The following EBF3 variants were observed in gnomAD, a reference collection of about 807,000 sequenced individuals.
EBF3 encodes the protein EBF transcription factor 3, also known as transcription factor COE3.
In EBF3, 18 loss-of-function variants were observed where a neutral mutation model predicts 77.1. That is an observed-to-expected ratio of 0.23 (90% CI 0.16 to 0.35). The LOEUF is 0.35. Among genes scored for constraint, EBF3 ranks in the 10% least tolerant of loss-of-function variants. The pLI is 1.00. For synonymous variants in EBF3, 350 were observed against 343.5 expected (o/e 1.02, Z -0.21); for missense variants, 558 against 860.0 (o/e 0.65, Z 4.39).
intron 6 of EBF3, among the ~76,000 whole-genome samples, chr10:129,890,626 C>T (rs1300637629): frequency 1.3e-5 from 2 of 152,192 alleles, no homozygotes; most frequent in Non-Finnish European, 2.9e-5. Flanking sequence ...CTTTCTTTAC[C>T]GCTGGGATGC....
chr10:129,842,021 C>T lies in EBF3; in HGVS notation c.1372+95G>A, dbSNP rs1469238758. On this transcript the variant is annotated intron_variant, in intron 13 of 16. Transcript: ENST00000440978. This position sits in a 1 kb window ranked among gnomAD's most constrained non-coding sequence, Gnocchi z 4.4. ...AGAGAACAGAACGCTACGGACATTC[C>T]CCAGCTGGCCCTGGACACGTGCCTC... 1.3e-6 allele frequency: 2 copies of T among 1,515,156 alleles called. No homozygotes were observed. The highest frequency in any genetic ancestry group is 4.5e-5 in the East Asian group (2 of 44,098). The allele number at this position is 1,515,156 out of a possible 1,614,324, so 93.9% of individuals were successfully genotyped here.
chr10:129,950,950 A>G (rs1421111300), intron 6 of EBF3, among the ~76,000 whole-genome samples: 2 of 152,236 alleles, frequency 1.3e-5, no homozygotes, highest in Non-Finnish European at 2.9e-5. Context: ...GTCTGCAATG[A>G]CAATTTCCAT....
At chr10:129,871,236 GA>G in intron 8 of EBF3, among the ~76,000 whole-genome samples, 1 of 152,310 alleles carries the variant, frequency 6.6e-6, no homozygotes, top group South Asian at 2.1e-4. Flanking sequence ...TTTACGAGGG[GA>G]CAAGTGACAA....
chr10:129,919,513 C>T (rs1286850821), intron 6 of EBF3, among the ~76,000 whole-genome samples: 1 of 152,130 alleles, frequency 6.6e-6, no homozygotes, highest in African/African-American at 2.4e-5. Flanking sequence ...GGGCCAACAA[C>T]TTTCACTGTG....
At chr10:129,933,924 C>T (rs1182345652) in intron 6 of EBF3, among the ~76,000 whole-genome samples, 1 of 152,222 alleles carries the variant, frequency 6.6e-6, no homozygotes, top group Admixed American at 6.5e-5. Context: ...ACTCCCCCTC[C>T]AGCAGCTTCA....
intron 6 of EBF3, among the ~76,000 whole-genome samples, chr10:129,924,189 T>C (rs980699391): frequency 6.6e-6 from 1 of 152,022 alleles, no homozygotes; most frequent in African/African-American, 2.4e-5. Context: ...CCAAGGCAGG[T>C]GGATCACCTG....
intron 6 of EBF3, among the ~76,000 whole-genome samples, chr10:129,936,172 G>GT (rs1416075579): frequency 2.0e-5 from 3 of 152,206 alleles, no homozygotes; most frequent in Non-Finnish European, 2.9e-5. Flanking sequence ...CCACCTGACA[G>GT]TTATAAAGTC....
intron 14 of EBF3, 31 bp from the exon 15 acceptor site, chr10:129,840,473 C>T (rs766998714): frequency 2.1e-5 from 33 of 1,541,758 alleles, no homozygotes; most frequent in Non-Finnish European, 2.4e-5. Context: ...TCAGCACGCG[C>T]GGCCGCGGCA....
Position 129,885,226 on chromosome 10 carries a change from G to A in EBF3, c.555-7377C>T, listed in dbSNP as rs1853487539. Among the ~76,000 whole-genome samples the A allele has an allele frequency of 6.6e-6, 1 of 152,156 alleles. No homozygotes were observed. Among genetic ancestry groups the A allele is most frequent in the South Asian group, 2.1e-4 (1 of 4,830 alleles). ...CCAAAGAGATCTGATGGGATTTAAT[G>A]GCTTTGCCGGCCAGTTCAATATCCC... On this transcript the variant is annotated intron_variant, in intron 6 of 16. Transcript: ENST00000440978. This position sits in a 1 kb window ranked among gnomAD's most constrained non-coding sequence, Gnocchi z 4.0.
chr10:129,912,461 T>C (rs568724838), intron 6 of EBF3, among the ~76,000 whole-genome samples: 4 of 152,284 alleles, frequency 2.6e-5, no homozygotes, highest in Admixed American at 2.6e-4. Context: ...AGATCTCTTG[T>C]CTACAAAGCA....
In EBF3 at chr10:129,942,313, A is replaced by G. The variant is rs543421180; in HGVS notation, c.554+14945T>C. Among the ~76,000 whole-genome samples, 99 of 152,312 alleles carry G rather than the reference A, an allele frequency of 6.5e-4. No homozygotes were observed. The Middle Eastern group carries it at 0.017, about 26-fold the overall frequency. On this transcript the variant is annotated intron_variant, in intron 6 of 16. Coordinates refer to ENST00000440978, the MANE Select transcript of EBF3 (RefSeq NM_001375380.1). ...TTTAGCCCTGTGGACCTGCTTCCCA[A>G]GACAGTAATATAAGATGCATTGACA...
chr10:129,953,403 T>C (rs1858817318), intron 6 of EBF3, among the ~76,000 whole-genome samples: 1 of 144,932 alleles, frequency 6.9e-6, no homozygotes, highest in Non-Finnish European at 1.5e-5. Context: ...TCCCCCCTCT[T>C]CAACCCCCAC....
intron 6 of EBF3, among the ~76,000 whole-genome samples, chr10:129,954,089 T>C (rs1858865168): frequency 6.6e-6 from 1 of 152,222 alleles, no homozygotes; most frequent in African/African-American, 2.4e-5. Context: ...TTTGTGTGTG[T>C]ATGTACAGAA....
intron 6 of EBF3, among the ~76,000 whole-genome samples, chr10:129,948,064 C>T (rs978684318): frequency 3.3e-5 from 5 of 151,930 alleles, no homozygotes; most frequent in Non-Finnish European, 5.9e-5. Context: ...CGAGACCAGC[C>T]TGACCAACAT....
intron 6 of EBF3, among the ~76,000 whole-genome samples, chr10:129,928,362 A>G (rs1856805846): frequency 6.6e-6 from 1 of 152,218 alleles, no homozygotes; most frequent in South Asian, 2.1e-4. Flanking sequence ...CCATTTCTGC[A>G]TATTTAAACA....
chr10:129,940,563 G>A (rs1186688026), intron 6 of EBF3, among the ~76,000 whole-genome samples: 2 of 152,224 alleles, frequency 1.3e-5, no homozygotes, highest in Non-Finnish European at 2.9e-5. Flanking sequence ...TAATAAGAGG[G>A]CTGTGAGAGG....
At chr10:129,880,544 CTCTT>C (rs1465444598) in intron 6 of EBF3, among the ~76,000 whole-genome samples, 3 of 152,224 alleles carry the variant, frequency 2.0e-5, no homozygotes, top group Admixed American at 6.5e-5. Context: ...CTCACTCCCT[CTCTT>C]TATTTTCTAT....
rs1849606752 is a variant in EBF3, at chr10:129,836,330, C to T, written c.*1613G>A. 6.6e-6 allele frequency: 1 copy of T among 152,414 alleles called. No homozygotes were observed. Among genetic ancestry groups the T allele is most frequent in the South Asian group, 2.1e-4 (1 of 4,826 alleles). The allele number at this position is 152,414 out of a possible 1,614,324, so 9.4% of individuals were successfully genotyped here. A position where few individuals can be genotyped will look rare whatever the true frequency, so the allele number is the denominator to read the frequency against. On this transcript the variant is annotated 3_prime_UTR_variant, in exon 17 of 17. Coordinates refer to ENST00000440978, the MANE Select transcript of EBF3 (RefSeq NM_001375380.1). ...TAGGCCTCTGAATTTTTCCAGTAAA[C>T]ACAGTTCAGCTATGTGGCAAAGTCA... is the stretch of plus-strand genomic sequence containing the variant.
chr10:129,955,655 T>C (rs1858980956), intron 6 of EBF3, among the ~76,000 whole-genome samples: 1 of 152,206 alleles, frequency 6.6e-6, no homozygotes, highest in Non-Finnish European at 1.5e-5. Context: ...GGATTGAATG[T>C]TGCACAAATC....
Sources: gnomAD v4.1 joint callset for allele counts (sites outside exome capture counted in the v4.1 genomes callset) on GRCh38, gnomAD v4.1.1 for gene constraint, Gnocchi (gnomAD v3.1) non-coding constraint, MANE v1.5 for transcripts, NCBI Gene and HGNC (gene_info 2026-07-23, HGNC 2026-07-21) for gene names.